Variants in RFX3 observed in about 807,000 individuals in gnomAD.
RFX3 encodes the protein transcription factor RFX3.
RFX3 carries 14 observed loss-of-function variants against 98.6 expected under a neutral mutation model. That is an observed-to-expected ratio of 0.14 (90% CI 0.09 to 0.22). The LOEUF is 0.22. Ranked by LOEUF, RFX3 falls within the 10% of genes least tolerant of loss-of-function variation. The pLI is 1.00. For synonymous variants in RFX3, 383 were observed against 328.4 expected (o/e 1.17, Z -1.80); for missense variants, 639 against 926.9 (o/e 0.69, Z 4.03).
chr9:3,263,115 T>C (rs1035953007), intron 12 of RFX3, 31 bp from the exon 13 acceptor site: 13 of 1,602,264 alleles, frequency 8.1e-6, no homozygotes, highest in Non-Finnish European at 1.0e-5. Flanking sequence ...GTTGGGATTC[T>C]GTTTCCTCCA....
rs907897664 is a variant in RFX3, at chr9:3,525,941, G to A, written c.-203C>T. The stretch of plus-strand genomic sequence containing the variant: ...TAACTCACAAAAGAGAGAGAGAGAG[G>A]GAGAGAGAGAGAGAGCGAGAGGGAG... On this transcript the variant is annotated 5_prime_UTR_variant, in exon 1 of 17. Coordinates refer to ENST00000617270, the MANE Select transcript of RFX3 (RefSeq NM_001282116.2). 1.1e-3 allele frequency: 878 copies of A among 780,980 alleles called. 4 individuals are homozygous for A. In the African/African-American group the frequency reaches 0.014, roughly 12 times the overall value. 48.4% of individuals were successfully genotyped at this position (780,980 alleles called of 1,614,324 possible).
chr9:3,395,597 C>G lies in RFX3; in HGVS notation c.-8-1G>C, dbSNP rs78855980. 13 of 1,612,894 alleles carry G rather than the reference C, an allele frequency of 8.1e-6. No individual in the cohort carries two copies. The highest frequency in any genetic ancestry group is 1.3e-5 in the African/African-American group (1 of 75,014). On this transcript the variant is annotated splice_acceptor_variant, in intron 1 of 16. Coordinates refer to ENST00000617270, the MANE Select transcript of RFX3 (RefSeq NM_001282116.2). LOFTEE classifies it low-confidence loss of function (5UTR_SPLICE). The stretch of plus-strand genomic sequence containing the variant: ...GTCTCTGATGTCTGCATGATGGTCT[C>G]TGAAATAGATTAAAATGAAATTAAA...
At chr9:3,395,299 G>A (rs954709391) in intron 2 of RFX3, among the ~76,000 whole-genome samples, 173 bp downstream of exon 2, 1 of 152,184 alleles carries the variant, frequency 6.6e-6, no homozygotes, top group Non-Finnish European at 1.5e-5. Context: ...AGCACAGAAA[G>A]AACCTGGCAC....
intron 1 of RFX3, among the ~76,000 whole-genome samples, chr9:3,445,343 A>T (rs1845955914): frequency 6.6e-6 from 1 of 151,920 alleles, no homozygotes; most frequent in African/African-American, 2.4e-5. Context: ...TACTTAGTGA[A>T]TATTTATCAT....
At chr9:3,312,691 G>A (rs1413751388) in intron 4 of RFX3, among the ~76,000 whole-genome samples, 1 of 152,018 alleles carries the variant, frequency 6.6e-6, no homozygotes, top group Non-Finnish European at 1.5e-5. Context: ...ATTTCCAACT[G>A]AGCAAACAGC....
chr9:3,242,332 C>A (rs653482), intron 15 of RFX3, among the ~76,000 whole-genome samples: 149,887 of 152,292 alleles, frequency 0.98, 73,800 homozygotes, highest in Middle Eastern at 1. Flanking sequence ...AAGCTTCACT[C>A]TAAATAACAA....
chr9:3,297,433 A>C (rs1828128223), intron 5 of RFX3, among the ~76,000 whole-genome samples: 1 of 152,060 alleles, frequency 6.6e-6, no homozygotes, highest in Non-Finnish European at 1.5e-5. Context: ...TTTGCATTTA[A>C]TCTGTATTAA....
At chr9:3,226,851 T>C (rs925379707) in intron 16 of RFX3, among the ~76,000 whole-genome samples, 1 of 152,196 alleles carries the variant, frequency 6.6e-6, no homozygotes, top group Non-Finnish European at 1.5e-5. Flanking sequence ...GGCAGTCTCT[T>C]ATGGTTGTGA....
At chr9:3,304,643 T>G (rs1357344403) in intron 4 of RFX3, among the ~76,000 whole-genome samples, 1 of 152,032 alleles carries the variant, frequency 6.6e-6, no homozygotes, top group East Asian at 1.9e-4. Context: ...CGAGATCTGA[T>G]GGCTTTATAA....
At chr9:3,374,559 T>C (rs1312447117) in intron 2 of RFX3, among the ~76,000 whole-genome samples, 1 of 152,210 alleles carries the variant, frequency 6.6e-6, no homozygotes, top group Admixed American at 6.5e-5. Flanking sequence ...TGATACATGC[T>C]ACAACACGGA....
chr9:3,499,634 T>C (rs1229007968), intron 1 of RFX3, among the ~76,000 whole-genome samples: 1 of 152,042 alleles, frequency 6.6e-6, no homozygotes, highest in East Asian at 1.9e-4. Context: ...TGGGTAGACA[T>C]TAAGGGACAG....
chr9:3,420,715 A>C, intron 1 of RFX3: 8 of 890,904 alleles, frequency 9.0e-6, no homozygotes, highest in Non-Finnish European at 1.1e-5. Context: ...GTCAGGAATT[A>C]TTTCTATAAA....
chr9:3,415,239 G>C lies in RFX3; in HGVS notation c.-8-19643C>G, dbSNP rs192476931. Among the ~76,000 whole-genome samples the C allele has an allele frequency of 2.9e-5, 4 of 140,168 alleles. No individual in the cohort carries two copies. In the Admixed American group the frequency reaches 3.0e-4, roughly 10 times the overall value. 92.0% of individuals were successfully genotyped at this position (140,168 alleles called of 152,430 possible). A position where few individuals can be genotyped will look rare whatever the true frequency, so the allele number is the denominator to read the frequency against. On this transcript the variant is annotated intron_variant, in intron 1 of 16. Coordinates refer to ENST00000617270, the MANE Select transcript of RFX3 (RefSeq NM_001282116.2). ...CTCATATATATATATATAAGAGTTG[G>C]GATCTTGCTCTGTTGCCCAGGCTAG...
intron 1 of RFX3, among the ~76,000 whole-genome samples, chr9:3,460,663 T>C (rs78742712): frequency 2.0e-5 from 3 of 152,012 alleles, no homozygotes; most frequent in Admixed American, 6.6e-5. Context: ...CAGGATTTCA[T>C]AGACTCTCAG....
chr9:3,498,852 A>T (rs1341646812), intron 1 of RFX3, among the ~76,000 whole-genome samples: 1 of 152,174 alleles, frequency 6.6e-6, no homozygotes, highest in East Asian at 1.9e-4. Flanking sequence ...GGTTGCTAGG[A>T]GTCTGTTGCT....
intron 4 of RFX3, among the ~76,000 whole-genome samples, 164 bp downstream of exon 4, chr9:3,330,095 G>C (rs1431328443): frequency 6.6e-6 from 1 of 152,112 alleles, no homozygotes; most frequent in Non-Finnish European, 1.5e-5. Context: ...GTAACATTCT[G>C]CATAATACTA....
intron 1 of RFX3, among the ~76,000 whole-genome samples, chr9:3,428,946 A>G (rs910433068): frequency 3.3e-5 from 5 of 150,678 alleles, no homozygotes; most frequent in African/African-American, 1.2e-4. Flanking sequence ...CCAAGGGCCC[A>G]TAATACTCTC....
chr9:3,316,219 A>T (rs977677092), intron 4 of RFX3, among the ~76,000 whole-genome samples: 1 of 152,224 alleles, frequency 6.6e-6, no homozygotes, highest in African/African-American at 2.4e-5. Flanking sequence ...GGCTGGTTCA[A>T]CATATGCAAA....
intron 1 of RFX3, among the ~76,000 whole-genome samples, chr9:3,511,094 C>T (rs1817623663): frequency 6.6e-6 from 1 of 151,922 alleles, no homozygotes. Context: ...TTCCACTGAA[C>T]CCTTTGGATC....
Sources: allele counts gnomAD v4.1 joint callset (sites outside exome capture counted in the v4.1 genomes callset), GRCh38; gene constraint gnomAD v4.1.1; transcripts MANE v1.5; gene names NCBI Gene and HGNC (gene_info 2026-07-23, HGNC 2026-07-21).